SMYD3: variants seen among roughly 807,000 people sequenced by gnomAD.
The protein encoded by SMYD3 is SET and MYND domain containing 3, also known as histone-lysine N-methyltransferase SMYD3.
A neutral mutation model predicts 57.7 loss-of-function variants in SMYD3; 36 were observed. The ratio of observed to expected loss-of-function variants is 0.62; its 90% CI spans 0.48 to 0.82. The LOEUF is 0.82. Among genes scored for constraint, SMYD3 ranks in the 40% least tolerant of loss-of-function variants. The probability of loss-of-function intolerance (pLI) is 0.00; values close to 1 mark genes in which losing one functional copy is unlikely to be tolerated. For missense variants in SMYD3, 515 were observed against 538.8 expected, an observed-to-expected ratio of 0.96 and a Z score of 0.44; for synonymous variants, 211 against 195.0, an observed-to-expected ratio of 1.08 and a Z score of -0.68.
At chr1:245,769,492 A>G (rs894126541) in intron 10 of SMYD3, among the ~76,000 whole-genome samples, 1 of 152,212 alleles carries the variant, frequency 6.6e-6, no homozygotes, top group African/African-American at 2.4e-5. Flanking sequence ...CGGACCCGGG[A>G]TCTTCAACAA....
intron 5 of SMYD3, among the ~76,000 whole-genome samples, chr1:246,303,172 G>C (rs1281117235): frequency 6.6e-6 from 1 of 152,168 alleles, no homozygotes; most frequent in Non-Finnish European, 1.5e-5. Context: ...CTTTGACCAA[G>C]TGTCCTCAAG....
intron 5 of SMYD3, among the ~76,000 whole-genome samples, chr1:246,205,548 G>A (rs116481782): frequency 0.018 from 2,735 of 152,298 alleles, 81 homozygotes; most frequent in Admixed American, 0.086. Context: ...CCGGCCCAGC[G>A]TGGTGGCTCA....
At chr1:246,370,566 A>G (rs2066177829) in intron 1 of SMYD3, among the ~76,000 whole-genome samples, 1 of 152,192 alleles carries the variant, frequency 6.6e-6, no homozygotes, top group Admixed American at 6.5e-5. Flanking sequence ...ACGGGACTGC[A>G]AGGCAAACTA....
intron 1 of SMYD3, among the ~76,000 whole-genome samples, chr1:246,420,424 A>C (rs2067126166): frequency 6.6e-6 from 1 of 152,214 alleles, no homozygotes; most frequent in Admixed American, 6.5e-5. Flanking sequence ...TTAAGCACCT[A>C]CTTCCTAAAG....
intron 8 of SMYD3, among the ~76,000 whole-genome samples, chr1:245,870,116 T>G (rs1450206089): frequency 2.0e-5 from 3 of 152,182 alleles, no homozygotes; most frequent in Non-Finnish European, 4.4e-5. Context: ...GAATGAGAAG[T>G]GATCTTCCAC....
chr1:246,473,781 G>T (rs2067991948), intron 1 of SMYD3, among the ~76,000 whole-genome samples: 1 of 152,180 alleles, frequency 6.6e-6, no homozygotes, highest in African/African-American at 2.4e-5. Flanking sequence ...ACTCCTCCAT[G>T]ACTTAAGTTT....
At chr1:245,951,597 A>G (rs868259271) in intron 5 of SMYD3, among the ~76,000 whole-genome samples, 2 of 149,496 alleles carry the variant, frequency 1.3e-5, no homozygotes, top group Non-Finnish European at 3.0e-5. Flanking sequence ...TTGCCATGAT[A>G]TAGTCAATTC....
intron 5 of SMYD3, among the ~76,000 whole-genome samples, chr1:245,947,066 T>C (rs1359055346): frequency 6.6e-6 from 1 of 152,198 alleles, no homozygotes; most frequent in East Asian, 1.9e-4. Flanking sequence ...GGCCTCCACG[T>C]ACTGTCAGAT....
intron 11 of SMYD3, among the ~76,000 whole-genome samples, chr1:245,761,784 G>GTTTTTTTT (rs1203397369): frequency 9.6e-5 from 11 of 114,442 alleles, no homozygotes; most frequent in African/African-American, 4.8e-4. Context: ...ACCATATTGA[G>GTTTTTTTT]TCTTTTTTTT....
intron 10 of SMYD3, among the ~76,000 whole-genome samples, chr1:245,790,402 G>A (rs183531702): frequency 6.6e-5 from 10 of 152,312 alleles, no homozygotes; most frequent in Admixed American, 4.6e-4. Context: ...CACGGGCAGA[G>A]CCCACTCTTA....
chr1:245,756,343 TC>T (rs1457168041), intron 11 of SMYD3, among the ~76,000 whole-genome samples: 3 of 151,976 alleles, frequency 2.0e-5, no homozygotes, highest in African/African-American at 7.2e-5. Flanking sequence ...ACATTTAGAA[TC>T]ATATCAGATA....
At chr1:246,161,331 T>C (rs1454787301) in intron 5 of SMYD3, among the ~76,000 whole-genome samples, 1 of 152,208 alleles carries the variant, frequency 6.6e-6, no homozygotes, top group African/African-American at 2.4e-5. Flanking sequence ...CTTACAGTTT[T>C]CTCTGTGTGC....
At chr1:246,378,528 T>C (rs1275029006) in intron 1 of SMYD3, among the ~76,000 whole-genome samples, 1 of 149,372 alleles carries the variant, frequency 6.7e-6, no homozygotes, top group African/African-American at 2.5e-5. Flanking sequence ...AACATCAGAC[T>C]CCAAGTTCTT....
intron 1 of SMYD3, among the ~76,000 whole-genome samples, chr1:246,445,938 T>A (rs2067545993): frequency 6.6e-6 from 1 of 152,036 alleles, no homozygotes; most frequent in South Asian, 2.1e-4. Context: ...GTACATCTGA[T>A]AAGACTGAAA....
At chr1:245,834,936 G>A (rs1016342376) in intron 10 of SMYD3, among the ~76,000 whole-genome samples, 4 of 152,144 alleles carry the variant, frequency 2.6e-5, no homozygotes, top group Non-Finnish European at 4.4e-5. Context: ...ACATTCCCAC[G>A]TTATAGGAAC....
intron 5 of SMYD3, among the ~76,000 whole-genome samples, chr1:246,252,173 C>T (rs1449373548): frequency 1.1e-5 from 1 of 91,420 alleles, no homozygotes; most frequent in African/African-American, 4.5e-5. Context: ...ACACTGTGCC[C>T]GGCTTTAGTA....
In SMYD3 at chr1:245,929,915, A is replaced by G. The variant is rs761671865; in HGVS notation, c.554T>C (p.Ile185Thr). The G allele has an allele frequency of 1.9e-6, 3 of 1,613,690 alleles. No homozygotes were observed. Among genetic ancestry groups the G allele is most frequent in the Non-Finnish European group, 2.5e-6 (3 of 1,179,806 alleles). ...AACTTCCTGCATCTCCGCATTACAG[A>G]TGGTGAAAGAGTTGCAGATCACCTG... ...FAKVICNSFTICNAEMQEVGV... is the reference protein window; with the variant it reads ...FAKVICNSFTTCNAEMQEVGV... The change falls in exon 6 of 12, where the codon ATC becomes ACC. Residue 185 changes from isoleucine to threonine, a missense_variant. Transcript: ENST00000490107.
intron 1 of SMYD3, among the ~76,000 whole-genome samples, chr1:246,373,009 A>C (rs777160686): frequency 6.6e-6 from 1 of 152,144 alleles, no homozygotes; most frequent in Non-Finnish European, 1.5e-5. Flanking sequence ...TCCACCCCTA[A>C]AGGTATTCTA....
intron 10 of SMYD3, among the ~76,000 whole-genome samples, chr1:245,847,564 C>G (rs1172141533): frequency 6.6e-6 from 1 of 152,150 alleles, no homozygotes. Context: ...TTTTGGCTCC[C>G]TACAGGGGAA....
Sources: gnomAD v4.1 joint callset for allele counts (sites outside exome capture counted in the v4.1 genomes callset) on GRCh38, gnomAD v4.1.1 for gene constraint, MANE v1.5 for transcripts, NCBI Gene and HGNC (gene_info 2026-07-23, HGNC 2026-07-21) for gene names.